Variants in PIP5K1B observed in about 807,000 individuals in gnomAD.
The protein encoded by PIP5K1B is phosphatidylinositol 4-phosphate 5-kinase type-1 beta.
In PIP5K1B, 42 loss-of-function variants were observed where a neutral mutation model predicts 67.0. The observed-to-expected ratio is 0.63, with a 90% CI of 0.49 to 0.81. The LOEUF is 0.81. PIP5K1B is among the 30% of genes least tolerant of loss of function. The probability of loss-of-function intolerance (pLI) is 0.00; values close to 1 mark genes in which losing one functional copy is unlikely to be tolerated. For synonymous variants in PIP5K1B, 214 were observed against 231.4 expected, an observed-to-expected ratio of 0.92 and a Z score of 0.68; for missense variants, 459 against 646.3, an observed-to-expected ratio of 0.71 and a Z score of 3.14.
In PIP5K1B at chr9:68,894,576, G is replaced by A; in HGVS notation, c.709G>A (p.Gly237Arg). Residue 237 changes from glycine (G) to arginine (R), a missense_variant, in exon 8 of 16, where the codon GGG becomes AGG. Physicochemically the swap from Gly to Arg is moderately radical, Grantham distance 125 (BLOSUM62 -2). Transcript: ENST00000265382. ...DLDFLQDMHE[G>R]LYFDTETYNA... ...AGATTTCCTGCAAGACATGCACGAA[G>A]GGTTGTATTTTGATACGGAAACATA... The A allele has an allele frequency of 6.2e-7, 1 of 1,614,160 alleles. No individual in the cohort carries two copies. Among genetic ancestry groups the A allele is most frequent in the East Asian group, 2.2e-5 (1 of 44,878 alleles).
At chr9:68,990,717 G>A (rs2132952345) in intron 14 of PIP5K1B, among the ~76,000 whole-genome samples, 1 of 151,652 alleles carries the variant, frequency 6.6e-6, no homozygotes, top group Admixed American at 6.6e-5. Context: ...GGGCTAGAGT[G>A]CAGTGGTGCG....
intron 15 of PIP5K1B, among the ~76,000 whole-genome samples, chr9:69,001,403 CA>C (rs142106959): frequency 0.1 from 15,859 of 152,080 alleles, 1,094 homozygotes; most frequent in Non-Finnish European, 0.15. Context: ...TGTGTTGCAG[CA>C]ACAGATCTAT....
chr9:68,763,943 A>G (rs1291127071), intron 2 of PIP5K1B, among the ~76,000 whole-genome samples: 1 of 152,004 alleles, frequency 6.6e-6, no homozygotes, highest in Non-Finnish European at 1.5e-5. Context: ...CTCACTTACT[A>G]CATGTCTGGC....
intron 2 of PIP5K1B, among the ~76,000 whole-genome samples, chr9:68,764,074 C>CT (rs72304177): frequency 0.019 from 1,368 of 73,556 alleles, 121 homozygotes; most frequent in Non-Finnish European, 0.02. Context: ...ACTATAACTT[C>CT]TTTTTTTTTT....
intron 14 of PIP5K1B, among the ~76,000 whole-genome samples, chr9:68,951,127 C>T (rs572583420): frequency 2.0e-4 from 30 of 152,278 alleles, no homozygotes; most frequent in African/African-American, 7.0e-4. Flanking sequence ...CATTTAATAA[C>T]CTGTTTTCAA....
intron 15 of PIP5K1B, among the ~76,000 whole-genome samples, chr9:68,997,973 C>CT (rs11454187): frequency 0.07 from 10,112 of 145,136 alleles, 937 homozygotes; most frequent in African/African-American, 0.22. Context: ...AGCTTTTTTT[C>CT]TTTTTTTTTT....
At chr9:68,809,805 T>C (rs773575256) in intron 2 of PIP5K1B, among the ~76,000 whole-genome samples, 6 of 152,210 alleles carry the variant, frequency 3.9e-5, no homozygotes, top group Non-Finnish European at 7.3e-5. Context: ...GGCTGACTTA[T>C]GCAGTTCCTC....
At chr9:68,858,991 G>A (rs143397751) in intron 4 of PIP5K1B, among the ~76,000 whole-genome samples, 1,891 of 152,284 alleles carry the variant, frequency 0.012, 20 homozygotes, top group Non-Finnish European at 0.02. Context: ...CTGCTTCTCA[G>A]CTTTTATCAG....
chr9:68,931,331 A>C (rs1248029139), intron 12 of PIP5K1B, among the ~76,000 whole-genome samples: 2 of 152,236 alleles, frequency 1.3e-5, no homozygotes, highest in Admixed American at 1.3e-4. Context: ...ACAATAATGC[A>C]TTCATGAACA....
chr9:68,717,284 T>TA (rs1564085060), intron 1 of PIP5K1B, among the ~76,000 whole-genome samples: 2 of 152,184 alleles, frequency 1.3e-5, no homozygotes, highest in East Asian at 3.8e-4. Flanking sequence ...TAGAATAGAA[T>TA]AAGAGACTGG....
chr9:69,000,212 C>T (rs1349662354), intron 15 of PIP5K1B, among the ~76,000 whole-genome samples: 1 of 152,108 alleles, frequency 6.6e-6, no homozygotes, highest in Non-Finnish European at 1.5e-5. Context: ...GCAATTTTAA[C>T]AAAGTATCAA....
intron 14 of PIP5K1B, among the ~76,000 whole-genome samples, chr9:68,947,203 AG>A (rs1332205357): frequency 6.6e-6 from 1 of 152,180 alleles, no homozygotes; most frequent in Non-Finnish European, 1.5e-5. Context: ...GGAAGACTGA[AG>A]GGGGAAATTC....
At chr9:68,954,405 G>T (rs1032303370) in intron 14 of PIP5K1B, among the ~76,000 whole-genome samples, 2 of 152,152 alleles carry the variant, frequency 1.3e-5, no homozygotes, top group African/African-American at 4.8e-5. Flanking sequence ...GAGGCCCAGA[G>T]AACTGCTCAG....
At chr9:68,981,854 G>A (rs1032390418) in intron 14 of PIP5K1B, among the ~76,000 whole-genome samples, 1 of 151,282 alleles carries the variant, frequency 6.6e-6, no homozygotes, top group Non-Finnish European at 1.5e-5. Context: ...TGCCATTAAC[G>A]TTTTCTCCTA....
intron 15 of PIP5K1B, among the ~76,000 whole-genome samples, chr9:68,994,728 C>T (rs1346358405): frequency 6.6e-6 from 1 of 152,170 alleles, no homozygotes; most frequent in African/African-American, 2.4e-5. Context: ...TGTTGCAAAA[C>T]CAAGTGAAGC....
intron 2 of PIP5K1B, among the ~76,000 whole-genome samples, chr9:68,744,869 A>G (rs1246599167): frequency 6.6e-6 from 1 of 152,086 alleles, no homozygotes; most frequent in Non-Finnish European, 1.5e-5. Flanking sequence ...CACAGTCTCT[A>G]GAAAGCCCAC....
chr9:68,877,834 C>T (rs765887136), intron 6 of PIP5K1B, among the ~76,000 whole-genome samples: 17 of 152,156 alleles, frequency 1.1e-4, no homozygotes, highest in Admixed American at 2.6e-4. Flanking sequence ...AATACTGCTT[C>T]CTCAAGGCAC....
At chr9:68,751,107 G>A (rs1829607975) in intron 2 of PIP5K1B, among the ~76,000 whole-genome samples, 1 of 152,164 alleles carries the variant, frequency 6.6e-6, no homozygotes, top group Admixed American at 6.6e-5. Context: ...AAGTATGCCT[G>A]GTAGTTATTG....
rs567005361 is a variant in PIP5K1B at position 68,989,025 on chromosome 9, G to A, written c.1503-2115G>A. Reference sequence around the variant, plus strand: ...CAGGAGAATCGCTTGAGCCCAGGAGGCAGAGATTGCAGTGAGCGAAGACCG... The same window carrying A: ...CAGGAGAATCGCTTGAGCCCAGGAGACAGAGATTGCAGTGAGCGAAGACCG... On this transcript the variant is annotated intron_variant, in intron 14 of 15. Transcript: ENST00000265382. Among the ~76,000 whole-genome samples, 169 of 136,966 alleles carry A rather than the reference G, an allele frequency of 1.2e-3. 2 individuals are homozygous for A. The highest frequency in any genetic ancestry group is 8.6e-3 in the Middle Eastern group (2 of 232). 89.9% of individuals were successfully genotyped at this position (136,966 alleles called of 152,430 possible). A position where few individuals can be genotyped will look rare whatever the true frequency, so the allele number is the denominator to read the frequency against.
Sources: allele counts gnomAD v4.1 joint callset (sites outside exome capture counted in the v4.1 genomes callset), GRCh38; gene constraint gnomAD v4.1.1; transcripts MANE v1.5; gene names NCBI Gene and HGNC (gene_info 2026-07-23, HGNC 2026-07-21).